Variants in PAH observed in about 807,000 individuals in gnomAD.
The protein encoded by PAH is phenylalanine hydroxylase, also known as phenylalanine-4-hydroxylase.
Under a neutral mutation model 62.0 loss-of-function variants are expected in PAH, and 64 were observed. The ratio of observed to expected loss-of-function variants is 1.03; its 90% CI spans 0.84 to 1.27. PAH has a LOEUF of 1.27. Ranked by LOEUF, PAH falls within the 50% of genes most tolerant of loss-of-function variation. PAH has a pLI of 0.00. For synonymous variants in PAH, 195 were observed against 196.2 expected, an observed-to-expected ratio of 0.99 and a Z score of 0.05; for missense variants, 579 against 542.8, an observed-to-expected ratio of 1.07 and a Z score of -0.66.
intron 1 of PAH, 55 bp downstream of exon 1, chr12:102,917,016 T>C: frequency 6.5e-7 from 1 of 1,535,214 alleles, no homozygotes; most frequent in Non-Finnish European, 9.0e-7. Flanking sequence ...TTCGGATCTC[T>C]TTCTCTGGAG....
chr12:102,874,944 G>A (rs187928059), intron 4 of PAH, among the ~76,000 whole-genome samples: 8 of 152,290 alleles, frequency 5.3e-5, no homozygotes, highest in African/African-American at 9.6e-5. Context: ...AGGATGCAAC[G>A]GGACAGAGAG....
chr12:102,870,049 A>T (rs1876228882), intron 4 of PAH, among the ~76,000 whole-genome samples: 1 of 152,022 alleles, frequency 6.6e-6, no homozygotes. Context: ...GGGGGAGGGG[A>T]GGGGATAGAA....
At chr12:102,866,537 G>C in intron 5 of PAH, 59 bp downstream of exon 5, 1 of 1,327,872 alleles carries the variant, frequency 7.5e-7, no homozygotes. Context: ...GAGGGCAAGG[G>C]AGAAGCAGGC....
At position 102,855,167 on chromosome 12, in the gene PAH, G is replaced by A. The variant is rs2136649258; in HGVS notation, c.675C>T (p.Pro225=). ...KYCGFHEDNI[P]QLEDVSQFLQ... is the part of the protein sequence containing the mutation. The stretch of plus-strand genomic sequence containing the variant: ...GGAACTGAGAAACGTCTTCCAGCTG[G>A]GGAATGTTATCTTCATGGAAGCCAC... The change falls in exon 6 of 13, where the codon CCC becomes CCT. Residue 225 remains proline (P), a synonymous_variant. Coordinates refer to ENST00000553106, the MANE Select transcript of PAH (RefSeq NM_000277.3). The A allele has an allele frequency of 6.2e-7, 1 of 1,614,154 alleles. No individual in the cohort carries two copies. Among genetic ancestry groups the A allele is most frequent in the Non-Finnish European group, 8.5e-7 (1 of 1,179,992 alleles).
chr12:102,908,837 C>CTTT (rs3062641), intron 2 of PAH, among the ~76,000 whole-genome samples: 2,101 of 119,932 alleles, frequency 0.018, 33 homozygotes, highest in Non-Finnish European at 0.028. Context: ...CCTCATGTCT[C>CTTT]TTTTTTTTTT....
chr12:102,926,724 T>C (rs1202658822), intron 1 of PAH, among the ~76,000 whole-genome samples: 1 of 152,130 alleles, frequency 6.6e-6, no homozygotes, highest in Non-Finnish European at 1.5e-5. Context: ...ATCAATTATA[T>C]TAAAAACAAA....
intron 3 of PAH, among the ~76,000 whole-genome samples, chr12:102,879,567 A>C (rs1876731134): frequency 6.7e-6 from 1 of 149,992 alleles, no homozygotes; most frequent in South Asian, 2.2e-4. Context: ...TGTTAGCAAT[A>C]AAACTAACAC....
intron 8 of PAH, among the ~76,000 whole-genome samples, chr12:102,850,917 C>A (rs1875116242): frequency 6.6e-6 from 1 of 151,868 alleles, no homozygotes; most frequent in African/African-American, 2.4e-5. Flanking sequence ...GACTCTGTCT[C>A]CACAAAAATT....
intron 2 of PAH, among the ~76,000 whole-genome samples, chr12:102,908,126 C>T (rs1294967744): frequency 1.3e-5 from 2 of 151,952 alleles, no homozygotes; most frequent in Non-Finnish European, 2.9e-5. Flanking sequence ...CACTTACTGA[C>T]CTGTGCAGTT....
intron 11 of PAH, among the ~76,000 whole-genome samples, chr12:102,842,934 G>C (rs1874654793): frequency 6.6e-6 from 1 of 152,044 alleles, no homozygotes; most frequent in Non-Finnish European, 1.5e-5. Context: ...ATGTCCAGGT[G>C]GACCCTCTGC....
chr12:102,935,087 TGA>T (rs1879051218), intron 1 of PAH, among the ~76,000 whole-genome samples: 1 of 152,116 alleles, frequency 6.6e-6, no homozygotes, highest in African/African-American at 2.4e-5. Context: ...CCCAGTTTTT[TGA>T]GAGTTTTTAT....
rs545982257 is a variant in PAH, at chr12:102,958,365, G to T, written c.-266C>A. 7.8e-4 allele frequency: 1,122 copies of T among 1,439,174 alleles called. 19 individuals are homozygous for T. The South Asian group carries it at 9.4e-3, about 12-fold the overall frequency. The allele number at this position is 1,439,174 out of a possible 1,614,324, so 89.2% of individuals were successfully genotyped here. On this transcript the variant is annotated 5_prime_UTR_variant, in exon 1 of 5. Transcript: ENST00000551337. Reference sequence around the variant, plus strand: ...TGCCACGGCCGCAGCCGCGGCGGCCGCAGCCGCCGCAGCGGCAGCGCAGAG... The same window carrying T: ...TGCCACGGCCGCAGCCGCGGCGGCCTCAGCCGCCGCAGCGGCAGCGCAGAG...
chr12:102,861,287 T>A (rs1875702912), intron 5 of PAH, among the ~76,000 whole-genome samples: 1 of 152,146 alleles, frequency 6.6e-6, no homozygotes, highest in Admixed American at 6.5e-5. Context: ...TGAGATACCA[T>A]CTCACACCAG....
At chr12:102,895,097 A>G (rs1877446700) in intron 2 of PAH, among the ~76,000 whole-genome samples, 179 bp from the exon 3 acceptor site, 3 of 152,218 alleles carry the variant, frequency 2.0e-5, no homozygotes, top group African/African-American at 4.8e-5. Context: ...TTTCTTCTTT[A>G]AAACCAAGTA....
chr12:102,898,639 T>C, intron 2 of PAH, among the ~76,000 whole-genome samples: 1 of 152,214 alleles, frequency 6.6e-6, no homozygotes, highest in East Asian at 1.9e-4. Flanking sequence ...TTCTTTTCTG[T>C]GACCATCCCA....
rs1874471796 is a variant in PAH at position 102,838,937 on chromosome 12, G to A, written c.*238C>T. The A allele has an allele frequency of 5.3e-6, 3 of 565,390 alleles. No individual in the cohort carries two copies. Among genetic ancestry groups the A allele is most frequent in the South Asian group, 2.1e-5 (1 of 47,024 alleles). 35.0% of individuals were successfully genotyped at this position (565,390 alleles called of 1,614,324 possible). A position where few individuals can be genotyped will look rare whatever the true frequency, so the allele number is the denominator to read the frequency against. ...CTGATTTAACTCAATTGAGAGTATG[G>A]GATTATCATCTCTAAATCAAAGATG... On this transcript the variant is annotated 3_prime_UTR_variant, in exon 13 of 13. Transcript: ENST00000553106.
intron 3 of PAH, among the ~76,000 whole-genome samples, chr12:102,891,954 TCTGCA>T (rs2136698216): frequency 6.6e-6 from 1 of 152,136 alleles, no homozygotes; most frequent in South Asian, 2.1e-4. Flanking sequence ...GTCCAAAGGG[TCTGCA>T]GCTCCTGTTG....
chr12:102,910,948 C>T (rs536247061), intron 2 of PAH, among the ~76,000 whole-genome samples: 6 of 152,254 alleles, frequency 3.9e-5, no homozygotes, highest in Admixed American at 2.6e-4. Flanking sequence ...TGCCACTCTC[C>T]GCCAACCCTG....
chr12:102,885,334 C>T (rs185010675), intron 3 of PAH, among the ~76,000 whole-genome samples: 14 of 152,336 alleles, frequency 9.2e-5, no homozygotes, highest in Non-Finnish European at 1.8e-4. Flanking sequence ...CCCCAGCGAC[C>T]CAGGCCTCCG....
Sources: allele counts gnomAD v4.1 joint callset (sites outside exome capture counted in the v4.1 genomes callset), GRCh38; gene constraint gnomAD v4.1.1; transcripts MANE v1.5; gene names NCBI Gene and HGNC (gene_info 2026-07-23, HGNC 2026-07-21).